The following ADGRV1 variants were observed in gnomAD, a reference collection of about 807,000 sequenced individuals.
ADGRV1 encodes adhesion G protein-coupled receptor V1.
A neutral mutation model predicts 596.2 loss-of-function variants in ADGRV1; 359 were observed. That is an observed-to-expected ratio of 0.60 (90% confidence interval 0.55 to 0.66). ADGRV1 has a LOEUF of 0.66. Ranked by LOEUF, ADGRV1 falls within the 30% of genes least tolerant of loss-of-function variation. ADGRV1 has a pLI of 0.00. For synonymous variants in ADGRV1, 2,681 were observed against 2,679.2 expected (o/e 1.00, Z -0.02); for missense variants, 7,274 against 7,575.6 (o/e 0.96, Z 1.48).
chr5:90,997,465 A>G (rs756213034), intron 85 of ADGRV1, among the ~76,000 whole-genome samples: 16 of 152,134 alleles, frequency 1.1e-4, no homozygotes, highest in Non-Finnish European at 1.8e-4. Context: ...CTCCCCAGCC[A>G]TGTTTCCTTT....
chr5:90,642,523 A>G (rs1767101250), intron 11 of ADGRV1, 113 bp from the exon 12 acceptor site: 3 of 1,132,976 alleles, frequency 2.6e-6, no homozygotes, highest in Admixed American at 2.3e-5. Context: ...CTAATTCCTC[A>G]TAGCCTTCCT....
chr5:90,893,601 A>G lies in ADGRV1; in HGVS notation c.17856+29744A>G, dbSNP rs539154587. Among the ~76,000 whole-genome samples, 7 of 152,310 alleles carry G rather than the reference A, an allele frequency of 4.6e-5. No homozygotes were observed. The South Asian group carries it at 1.4e-3, about 32-fold the overall frequency. On this transcript the variant is annotated intron_variant, in intron 83 of 89. Coordinates refer to ENST00000405460, the MANE Select transcript of ADGRV1 (RefSeq NM_032119.4). The stretch of plus-strand genomic sequence containing the variant: ...ATTTTAGCAGTATCCATTTGCTTAT[A>G]ATTTATGAGCTGACTACACAATAGT...
chr5:90,578,507 C>T (rs1480951915), intron 1 of ADGRV1, among the ~76,000 whole-genome samples: 2 of 150,880 alleles, frequency 1.3e-5, no homozygotes, highest in East Asian at 3.9e-4. Context: ...TGCTGGATTC[C>T]GTTTGCCAGT....
chr5:90,681,886 G>A (rs1019627240), intron 27 of ADGRV1, among the ~76,000 whole-genome samples: 4 of 123,138 alleles, frequency 3.2e-5, no homozygotes, highest in Admixed American at 2.1e-4. Context: ...TTCTTTTTTC[G>A]AGACGGAGTT....
At chr5:90,855,208 T>C (rs931179063) in intron 81 of ADGRV1, among the ~76,000 whole-genome samples, 6 of 152,132 alleles carry the variant, frequency 3.9e-5, no homozygotes, top group Non-Finnish European at 7.4e-5. Flanking sequence ...TAGCCAGAAT[T>C]CATAAAGGAA....
chr5:90,676,281 G>A, intron 25 of ADGRV1, 72 bp downstream of exon 25: 1 of 1,383,592 alleles, frequency 7.2e-7, no homozygotes. Flanking sequence ...ATTCCTTTAG[G>A]GAAGTAAGTT....
intron 73 of ADGRV1, among the ~76,000 whole-genome samples, chr5:90,808,682 G>A (rs980131359): frequency 6.6e-6 from 1 of 152,176 alleles, no homozygotes; most frequent in African/African-American, 2.4e-5. Context: ...ATCACCTGAG[G>A]TTAGGAACTC....
intron 1 of ADGRV1, among the ~76,000 whole-genome samples, chr5:90,596,278 C>A (rs536937528): frequency 3.3e-5 from 5 of 151,470 alleles, no homozygotes; most frequent in Non-Finnish European, 7.4e-5. Context: ...GGATGGCCGC[C>A]GGGCAGAGAC....
rs373069459 is a variant in ADGRV1, at chr5:90,697,079, G to A, written c.8088G>A (p.Leu2696=). 3.3e-4 allele frequency: 527 copies of A among 1,613,360 alleles called. 1 individual carries two copies. In the African/African-American group the frequency reaches 6.0e-3, roughly 18 times the overall value. Residue 2696 remains leucine, a synonymous_variant, in exon 34 of 90, where the codon TTG becomes TTA. Transcript: ENST00000405460. Reference sequence around the variant, plus strand: ...CCGACACTGTTAGAGTGAACATTTTGGCCAATGACAATGTGGCAGGAATTG... The same window carrying A: ...CCGACACTGTTAGAGTGAACATTTTAGCCAATGACAATGTGGCAGGAATTG... ...PSSDTVRVNI[L]ANDNVAGIVS...
intron 1 of ADGRV1, among the ~76,000 whole-genome samples, chr5:90,597,166 C>T (rs1477820048): frequency 6.6e-6 from 1 of 152,128 alleles, no homozygotes; most frequent in Non-Finnish European, 1.5e-5. Flanking sequence ...GGATTTATTT[C>T]TTTAACAAGA....
At chr5:91,062,651 C>G (rs1787544555) in intron 85 of ADGRV1, among the ~76,000 whole-genome samples, 1 of 152,188 alleles carries the variant, frequency 6.6e-6, no homozygotes, top group Admixed American at 6.5e-5. Context: ...TATCCTCTGT[C>G]ACTTTACTGC....
chr5:90,692,656 G>C lies in ADGRV1; in HGVS notation c.7003G>C (p.Asp2335His). Residue 2335 changes from aspartate (D) to histidine (H), a missense_variant, in exon 32 of 90, where the codon GAT (aspartate) becomes CAT (histidine). Around this residue, in one of 5 missense-constraint regions of ADGRV1, gnomAD observed 3,643 missense variants for 3,809.2 expected, o/e 0.96. Transcript: ENST00000405460. ...DASGGGTIGLDRIANIIIPAN... is the reference protein window; with the variant it reads ...DASGGGTIGLHRIANIIIPAN... Reference sequence around the variant, plus strand: ...CTCTGGTGGAGGTACTATTGGGTTAGATCGAATTGCAAATATTATTATTCC... The same window carrying C: ...CTCTGGTGGAGGTACTATTGGGTTACATCGAATTGCAAATATTATTATTCC... 6.2e-7 allele frequency: 1 copy of C among 1,611,516 alleles called. No individual in the cohort carries two copies. The highest frequency in any genetic ancestry group is 8.5e-7 in the Non-Finnish European group (1 of 1,178,840).
At chr5:90,820,640 G>C (rs1166928868) in intron 75 of ADGRV1, among the ~76,000 whole-genome samples, 2 of 147,800 alleles carry the variant, frequency 1.4e-5, no homozygotes, top group African/African-American at 2.5e-5. Flanking sequence ...GCATTTGCTT[G>C]TCTGTAAAGT....
chr5:91,052,791 G>T (rs1022264089), intron 85 of ADGRV1, among the ~76,000 whole-genome samples: 1 of 152,034 alleles, frequency 6.6e-6, no homozygotes, highest in African/African-American at 2.4e-5. Flanking sequence ...TCACAGTCCA[G>T]TTGTAGTTTA....
Position 90,783,177 on chromosome 5 carries a change from T to A in ADGRV1, c.13285T>A (p.Tyr4429Asn). The change falls in exon 66 of 90, where the codon TAT (tyrosine) becomes AAT (asparagine). Residue 4429 changes from tyrosine to asparagine, a missense_variant. By Grantham distance (143) the Tyr-to-Asn change is moderately radical. Transcript: ENST00000405460. Reference sequence around the variant, plus strand: ...CCCAGTGGTGAGGCTACATGGAACTTATGGCTATGTGACAGCTGATTTCAT... The same window carrying A: ...CCCAGTGGTGAGGCTACATGGAACTAATGGCTATGTGACAGCTGATTTCAT... ...MIPVVRLHGT[Y>N]GYVTADFISQ... The A allele has an allele frequency of 6.2e-7, 1 of 1,613,650 alleles. No homozygotes were observed. Among genetic ancestry groups the A allele is most frequent in the Non-Finnish European group, 8.5e-7 (1 of 1,179,664 alleles).
At chr5:91,001,131 G>T (rs1781823345) in intron 85 of ADGRV1, among the ~76,000 whole-genome samples, 2 of 152,078 alleles carry the variant, frequency 1.3e-5, no homozygotes, top group African/African-American at 2.4e-5. Context: ...AGGCTGGAGT[G>T]CAGTGGTGCA....
intron 30 of ADGRV1, 28 bp downstream of exon 30, chr5:90,690,104 T>G: frequency 1.6e-6 from 2 of 1,236,120 alleles, no homozygotes; most frequent in Non-Finnish European, 2.3e-6. Context: ...TGTCTCTCTT[T>G]GACTTGTCTG....
intron 85 of ADGRV1, among the ~76,000 whole-genome samples, chr5:91,003,219 G>T (rs1781987466): frequency 1.3e-5 from 2 of 152,150 alleles, no homozygotes; most frequent in South Asian, 4.1e-4. Context: ...TATTTGAGCT[G>T]CCCAGCTTTT....
intron 1 of ADGRV1, among the ~76,000 whole-genome samples, chr5:90,591,274 T>C (rs923600437): frequency 6.6e-6 from 1 of 152,084 alleles, no homozygotes; most frequent in Non-Finnish European, 1.5e-5. Context: ...GCCATACTTG[T>C]AATCCCAGCT....
Sources: allele counts gnomAD v4.1 joint callset (sites outside exome capture counted in the v4.1 genomes callset), GRCh38; gene constraint gnomAD v4.1.1; regional missense constraint gnomAD v4.1.1; transcripts MANE v1.5; gene names NCBI Gene and HGNC (gene_info 2026-07-23, HGNC 2026-07-21).